The following VPS13C variants were observed in gnomAD, a reference collection of about 807,000 sequenced individuals.
The protein encoded by VPS13C is intermembrane lipid transfer protein VPS13C.
Under a neutral mutation model 456.8 loss-of-function variants are expected in VPS13C, and 358 were observed. The observed-to-expected ratio is 0.78, with a 90% CI of 0.72 to 0.86. The LOEUF (loss-of-function observed/expected upper bound fraction) is 0.86. VPS13C is among the 40% of genes least tolerant of loss of function. VPS13C has a pLI of 0.00. For missense variants in VPS13C, 4,818 were observed against 4,385.4 expected (o/e 1.10, Z -2.79); for synonymous variants, 1,578 against 1,486.7 (o/e 1.06, Z -1.41).
chr15:61,856,252 C>G (rs1893897575), intron 83 of VPS13C, 34 bp downstream of exon 83: 1 of 1,609,358 alleles, frequency 6.2e-7, no homozygotes, highest in Non-Finnish European at 8.5e-7. Context: ...AAGCAATGAA[C>G]TCTTAGCTCT....
At chr15:61,990,536 C>A (rs1031077626) in intron 18 of VPS13C, among the ~76,000 whole-genome samples, 1 of 152,116 alleles carries the variant, frequency 6.6e-6, no homozygotes, top group Non-Finnish European at 1.5e-5. Flanking sequence ...GGAGGCTGGG[C>A]ACGGTGGCTC....
At chr15:61,903,103 A>C (rs1166148500) in intron 66 of VPS13C, among the ~76,000 whole-genome samples, 3 of 152,092 alleles carry the variant, frequency 2.0e-5, no homozygotes, top group African/African-American at 4.8e-5. Flanking sequence ...AGGCAGGTGA[A>C]TCGCTTGACC....
At chr15:61,899,936 T>C (rs1023456759) in intron 66 of VPS13C, among the ~76,000 whole-genome samples, 4 of 152,086 alleles carry the variant, frequency 2.6e-5, no homozygotes, top group Non-Finnish European at 4.4e-5. Context: ...GCTTCATCCC[T>C]GGGATGCAAG....
intron 25 of VPS13C, 70 bp downstream of exon 25, chr15:61,974,218 T>C (rs2045637202): frequency 2.1e-6 from 3 of 1,440,014 alleles, no homozygotes; most frequent in Non-Finnish European, 2.8e-6. Flanking sequence ...AACCTTGCCC[T>C]GAAACTGACT....
chr15:61,984,127 A>G (rs1596422250), intron 19 of VPS13C, 115 bp from the exon 20 acceptor site: 2 of 902,788 alleles, frequency 2.2e-6, no homozygotes, highest in East Asian at 2.6e-5. Context: ...ATCCATGCAC[A>G]TTATCCAGAG....
chr15:61,858,317 A>ACTATCTAT lies in VPS13C; in HGVS notation c.10953-1916_10953-1909dup, dbSNP rs55704364. ...ACTCGAGATTTTTATCCAAACTCCAACTATCTATCTATCTATCTATCTATC... is the reference window on the plus strand; with the variant it reads ...ACTCGAGATTTTTATCCAAACTCCAACTATCTATCTATCTATCTATCTATCTATCTATC... On this transcript the variant is annotated intron_variant, in intron 82 of 84. Transcript: ENST00000644861. This position sits in a 1 kb window ranked among gnomAD's most constrained non-coding sequence, Gnocchi z 4.4. Among the ~76,000 whole-genome samples the ACTATCTAT allele has an allele frequency of 5.5e-3, 805 of 147,642 alleles. 3 individuals carry two copies. Among genetic ancestry groups the ACTATCTAT allele is most frequent in the East Asian group, 0.012 (58 of 4,946 alleles).
intron 9 of VPS13C, among the ~76,000 whole-genome samples, chr15:62,018,009 G>T (rs921133572): frequency 2.6e-5 from 4 of 152,156 alleles, no homozygotes; most frequent in East Asian, 1.9e-4. Context: ...CACGTCCCTT[G>T]TAAGTTGGAT....
intron 40 of VPS13C, among the ~76,000 whole-genome samples, 192 bp from the exon 41 acceptor site, chr15:61,950,609 C>T (rs1006851700): frequency 6.7e-6 from 1 of 149,194 alleles, no homozygotes; most frequent in Non-Finnish European, 1.5e-5. Flanking sequence ...ACATTCCATA[C>T]AAGCAAAAAC....
At chr15:62,055,299 C>T (rs1007425230) in intron 1 of VPS13C, among the ~76,000 whole-genome samples, 3 of 151,996 alleles carry the variant, frequency 2.0e-5, no homozygotes, top group African/African-American at 7.3e-5. Flanking sequence ...GCAATCTCTG[C>T]TCACTGCAAC....
intron 25 of VPS13C, among the ~76,000 whole-genome samples, 190 bp downstream of exon 25, chr15:61,974,098 C>T (rs2045633869): frequency 6.6e-6 from 1 of 152,028 alleles, no homozygotes; most frequent in South Asian, 2.1e-4. Context: ...TTGCAAGATT[C>T]TAAAGAAGGT....
At chr15:62,001,993 CTT>C (rs2046638747) in intron 15 of VPS13C, among the ~76,000 whole-genome samples, 2 of 152,162 alleles carry the variant, frequency 1.3e-5, no homozygotes. Flanking sequence ...GTGCATGTGT[CTT>C]TATAGCAGCA....
chr15:61,919,505 TATAACAATC>T (rs1288824111), intron 57 of VPS13C, 56 bp from the exon 58 acceptor site: 3 of 1,423,640 alleles, frequency 2.1e-6, no homozygotes, highest in Non-Finnish European at 2.8e-6. Context: ...AATGTTTCTC[TATAACAATC>T]ATTAGTACCT....
At chr15:61,886,686 T>C (rs1896297791) in intron 67 of VPS13C, among the ~76,000 whole-genome samples, 1 of 152,178 alleles carries the variant, frequency 6.6e-6, no homozygotes, top group South Asian at 2.1e-4. Context: ...ATTTGGCTCA[T>C]AGGCCAAACT....
chr15:61,917,887 A>T (rs1002081931), intron 59 of VPS13C, among the ~76,000 whole-genome samples: 3 of 152,264 alleles, frequency 2.0e-5, no homozygotes, highest in Admixed American at 6.5e-5. Flanking sequence ...ACTTAAAAAA[A>T]TTTTCATTTC....
chr15:61,956,709 C>T (rs916486500), intron 37 of VPS13C, among the ~76,000 whole-genome samples: 1 of 152,070 alleles, frequency 6.6e-6, no homozygotes, highest in Non-Finnish European at 1.5e-5. Context: ...TGATCACCTT[C>T]ACCAGTAATC....
At chr15:62,012,970 G>T in intron 11 of VPS13C, 69 bp downstream of exon 11, 1 of 1,047,050 alleles carries the variant, frequency 9.6e-7, no homozygotes, top group Non-Finnish European at 1.4e-6. Context: ...CCTCATGAAG[G>T]CCCTCTTATA....
In VPS13C at chr15:61,881,049, T is replaced by A. The variant is rs575700251; in HGVS notation, c.9777-95A>T. ...ATTTCAGTGAAAAGCCACAGTTATA[T>A]CTTGTTCCTTCATCTCCTAAAAATT... is the stretch of plus-strand genomic sequence containing the variant. On this transcript the variant is annotated intron_variant, in intron 71 of 84. Transcript: ENST00000644861. The A allele has an allele frequency of 2.3e-4, 221 of 958,820 alleles. 1 individual carries two copies. The African/African-American group carries it at 3.6e-3, about 16-fold the overall frequency. The allele number at this position is 958,820 out of a possible 1,614,324, so 59.4% of individuals were successfully genotyped here. A position where few individuals can be genotyped will look rare whatever the true frequency, so the allele number is the denominator to read the frequency against.
chr15:62,048,407 T>C (rs2048501497), intron 1 of VPS13C, among the ~76,000 whole-genome samples: 4 of 152,082 alleles, frequency 2.6e-5, no homozygotes, highest in Admixed American at 2.0e-4. Context: ...TCCAGTTTCA[T>C]CCATGTCCCT....
intron 13 of VPS13C, among the ~76,000 whole-genome samples, chr15:62,009,162 T>C (rs898266401): frequency 6.6e-6 from 1 of 152,220 alleles, no homozygotes; most frequent in Non-Finnish European, 1.5e-5. Context: ...TATATATTTT[T>C]CCTCTGGATC....
Sources: gnomAD v4.1 joint callset for allele counts (sites outside exome capture counted in the v4.1 genomes callset) on GRCh38, gnomAD v4.1.1 for gene constraint, Gnocchi (gnomAD v3.1) non-coding constraint, MANE v1.5 for transcripts, NCBI Gene and HGNC (gene_info 2026-07-23, HGNC 2026-07-21) for gene names.